LEKR1: variants seen among roughly 807,000 people sequenced by gnomAD.
The protein encoded by LEKR1 is leucine, glutamate and lysine rich 1.
LEKR1 carries 59 observed loss-of-function variants against 72.4 expected under a neutral mutation model. The ratio of observed to expected loss-of-function variants is 0.82; its 90% confidence interval spans 0.66 to 1.01. The LOEUF is 1.01. Among genes scored for constraint, LEKR1 ranks in the 50% least tolerant of loss-of-function variants. The pLI is 0.00. For missense variants in LEKR1, 728 were observed against 759.2 expected, an observed-to-expected ratio of 0.96 and a Z score of 0.48; for synonymous variants, 257 against 263.2, an observed-to-expected ratio of 0.98 and a Z score of 0.23.
chr3:156,847,354 G>T (rs1468194529), intron 2 of LEKR1, among the ~76,000 whole-genome samples: 1 of 152,210 alleles, frequency 6.6e-6, no homozygotes, highest in African/African-American at 2.4e-5. Context: ...TATTGCATTT[G>T]TTAATGTCTC....
At chr3:156,990,352 T>C (rs1309806835) in intron 7 of LEKR1, among the ~76,000 whole-genome samples, 1 of 152,180 alleles carries the variant, frequency 6.6e-6, no homozygotes, top group Non-Finnish European at 1.5e-5. Context: ...AAGATGTTGC[T>C]CAATTTTTCT....
intron 6 of LEKR1, among the ~76,000 whole-genome samples, chr3:156,976,461 C>T (rs1025165833): frequency 1.3e-5 from 2 of 151,964 alleles, no homozygotes; most frequent in Admixed American, 1.3e-4. Context: ...ATGAAATCTT[C>T]TCATGGAATC....
At chr3:156,907,684 A>G (rs1444971392) in intron 3 of LEKR1, among the ~76,000 whole-genome samples, 1 of 152,168 alleles carries the variant, frequency 6.6e-6, no homozygotes, top group Non-Finnish European at 1.5e-5. Flanking sequence ...AGTTCCAAAA[A>G]TAGTACAGAT....
At chr3:157,024,582 G>A (rs928433448) in intron 10 of LEKR1, among the ~76,000 whole-genome samples, 178 bp from the exon 11 acceptor site, 6 of 152,092 alleles carry the variant, frequency 3.9e-5, no homozygotes, top group Non-Finnish European at 8.8e-5. Flanking sequence ...TTGGCACAAG[G>A]TCAATTTTTC....
intron 9 of LEKR1, among the ~76,000 whole-genome samples, chr3:156,998,432 C>A (rs1465586366): frequency 1.3e-5 from 2 of 152,172 alleles, no homozygotes; most frequent in Non-Finnish European, 2.9e-5. Context: ...CCAGAACACA[C>A]ACTGTTTATA....
At chr3:156,871,678 C>G (rs935025573) in intron 3 of LEKR1, among the ~76,000 whole-genome samples, 26 of 151,750 alleles carry the variant, frequency 1.7e-4, no homozygotes, top group African/African-American at 3.1e-4. Flanking sequence ...ATCTCATTGT[C>G]GTTTTGATTT....
intron 3 of LEKR1, among the ~76,000 whole-genome samples, chr3:156,858,590 C>G (rs1248510656): frequency 2.0e-5 from 3 of 151,132 alleles, no homozygotes; most frequent in Non-Finnish European, 4.4e-5. Context: ...GGGAGAATCG[C>G]TTGAACCTGG....
intron 12 of LEKR1, among the ~76,000 whole-genome samples, chr3:157,028,823 G>A (rs1285573655): frequency 6.6e-6 from 1 of 152,026 alleles, no homozygotes; most frequent in Non-Finnish European, 1.5e-5. Flanking sequence ...TTTACCTTAG[G>A]TTTTTACTTC....
At chr3:157,008,063 T>C (rs1282969165) in intron 9 of LEKR1, among the ~76,000 whole-genome samples, 2 of 152,202 alleles carry the variant, frequency 1.3e-5, no homozygotes, top group African/African-American at 4.8e-5. Context: ...GCTCTCCTCA[T>C]TCTTTATTCC....
intron 3 of LEKR1, among the ~76,000 whole-genome samples, chr3:156,899,377 T>C (rs1359977393): frequency 6.0e-5 from 7 of 117,292 alleles, no homozygotes; most frequent in African/African-American, 1.7e-4. Flanking sequence ...TATACATATA[T>C]ACACATATAT....
intron 3 of LEKR1, among the ~76,000 whole-genome samples, chr3:156,901,237 T>C (rs1250136842): frequency 6.6e-6 from 1 of 152,074 alleles, no homozygotes; most frequent in East Asian, 1.9e-4. Flanking sequence ...TCCTTCCTTC[T>C]CTTCTTGTCT....
intron 12 of LEKR1, among the ~76,000 whole-genome samples, chr3:157,036,813 A>C (rs1243143824): frequency 6.6e-6 from 1 of 152,110 alleles, no homozygotes; most frequent in Non-Finnish European, 1.5e-5. Context: ...AAGAACAAAG[A>C]GAAGCTGATA....
chr3:157,025,694 G>C (rs1435957605), intron 11 of LEKR1, among the ~76,000 whole-genome samples: 1 of 152,148 alleles, frequency 6.6e-6, no homozygotes, highest in Non-Finnish European at 1.5e-5. Flanking sequence ...AAGGCTTCAT[G>C]CTTTGGATTT....
At chr3:156,829,998 T>C (rs916374253) in intron 2 of LEKR1, among the ~76,000 whole-genome samples, 3 of 152,178 alleles carry the variant, frequency 2.0e-5, no homozygotes, top group Non-Finnish European at 4.4e-5. Context: ...TATGCACAAA[T>C]CTATTATAAA....
At chr3:156,851,438 A>G (rs1221876049) in intron 2 of LEKR1, among the ~76,000 whole-genome samples, 1 of 152,296 alleles carries the variant, frequency 6.6e-6, no homozygotes. Flanking sequence ...ATCATTTGGG[A>G]TGTTAAAATA....
intron 6 of LEKR1, among the ~76,000 whole-genome samples, chr3:156,947,396 A>C (rs925354190): frequency 6.6e-6 from 1 of 151,212 alleles, no homozygotes; most frequent in Non-Finnish European, 1.5e-5. Context: ...TATCTGTTGT[A>C]TGTTAAAATT....
chr3:156,928,342 C>T (rs778951817), intron 5 of LEKR1, among the ~76,000 whole-genome samples: 5 of 152,030 alleles, frequency 3.3e-5, no homozygotes, highest in Admixed American at 6.6e-5. Flanking sequence ...AAGTACTACT[C>T]TCCCACAGGG....
intron 3 of LEKR1, among the ~76,000 whole-genome samples, chr3:156,868,133 G>A (rs977396992): frequency 3.3e-5 from 5 of 151,970 alleles, no homozygotes; most frequent in African/African-American, 4.8e-5. Flanking sequence ...TATGCCTCCC[G>A]GCATTTCAGG....
At position 156,927,428 on chromosome 3, in the gene LEKR1, G is replaced by T; in HGVS notation, c.384-1G>T. ...TCCTATTTTTTTTTTTTACTTTGCA[G>T]TCAAAGATTGTCAGAGTACAAATAT... On this transcript the variant is annotated splice_acceptor_variant, in intron 4 of 12. Coordinates refer to ENST00000356539, the MANE Select transcript of LEKR1 (RefSeq NM_001004316.3). LOFTEE classifies it high-confidence loss of function. 5 of 1,051,102 alleles carry T rather than the reference G, an allele frequency of 4.8e-6. No homozygotes were observed. The highest frequency in any genetic ancestry group is 2.0e-5 in the South Asian group (1 of 51,236). The allele number at this position is 1,051,102 out of a possible 1,614,324, so 65.1% of individuals were successfully genotyped here.
Sources: gnomAD v4.1 joint callset for allele counts (sites outside exome capture counted in the v4.1 genomes callset) on GRCh38, gnomAD v4.1.1 for gene constraint, MANE v1.5 for transcripts, NCBI Gene and HGNC (gene_info 2026-07-23, HGNC 2026-07-21) for gene names.